Variants in TMEM192 observed in about 807,000 individuals in gnomAD.
TMEM192 encodes transmembrane protein 192.
Under a neutral mutation model 26.7 loss-of-function variants are expected in TMEM192, and 20 were observed. The observed-to-expected ratio is 0.75, with a 90% CI of 0.53 to 1.09. The LOEUF (loss-of-function observed/expected upper bound fraction) is 1.09, where lower values mean the gene tolerates loss of function less well. Ranked by LOEUF, TMEM192 falls within the 50% of genes least tolerant of loss-of-function variation. TMEM192 has a pLI of 0.00. For synonymous variants in TMEM192, 124 were observed against 121.0 expected (o/e 1.02, Z -0.16); for missense variants, 304 against 322.6 (o/e 0.94, Z 0.44).
In TMEM192 at chr4:165,095,778, A is replaced by T. The variant is rs186898141; in HGVS notation, c.439+4850T>A. Among the ~76,000 whole-genome samples the T allele has an allele frequency of 9.3e-3, 1,409 of 152,008 alleles. 5 individuals carry two copies. Among genetic ancestry groups the T allele is most frequent in the Non-Finnish European group, 0.015 (1,032 of 67,976 alleles). On this transcript the variant is annotated intron_variant, in intron 3 of 5. Coordinates refer to ENST00000306480, the MANE Select transcript of TMEM192 (RefSeq NM_001100389.2). ...ATGTAACTAATAATACTTGATTTTT[A>T]AAAATTTTTTTTTAAAAATGGAGTC... is the stretch of plus-strand genomic sequence containing the variant.
rs1292232349 is a variant in TMEM192 at position 165,079,474 on chromosome 4, C to A, written c.*184G>T. 5.5e-6 allele frequency: 3 copies of A among 544,268 alleles called. No homozygotes were observed. In the East Asian group the frequency reaches 9.8e-5, roughly 18 times the overall value. The allele number at this position is 544,268 out of a possible 1,614,324, so 33.7% of individuals were successfully genotyped here. A position where few individuals can be genotyped will look rare whatever the true frequency, so the allele number is the denominator to read the frequency against. On this transcript the variant is annotated 3_prime_UTR_variant, in exon 6 of 6. Coordinates refer to ENST00000306480, the MANE Select transcript of TMEM192 (RefSeq NM_001100389.2). The stretch of plus-strand genomic sequence containing the variant: ...TATCCGGGCTTCTACAGGTACTTTT[C>A]AAGTGACCCACAAGCCCTATATTTT...
intron 3 of TMEM192, among the ~76,000 whole-genome samples, chr4:165,094,844 C>T (rs1350441747): frequency 6.6e-6 from 1 of 151,688 alleles, no homozygotes; most frequent in African/African-American, 2.4e-5. Context: ...CATGGTAGCG[C>T]ACACCTGTAA....
At chr4:165,104,810 C>T (rs375731342) in intron 1 of TMEM192, among the ~76,000 whole-genome samples, 1 of 152,262 alleles carries the variant, frequency 6.6e-6, no homozygotes. Context: ...GGATTACAGG[C>T]ATGAGCCACC....
intron 3 of TMEM192, among the ~76,000 whole-genome samples, chr4:165,097,636 G>T (rs1466714738): frequency 7.1e-6 from 1 of 141,282 alleles, no homozygotes. Context: ...TTTTTATAGA[G>T]GGGGGTGTCA....
In TMEM192 at chr4:165,071,323, C is replaced by T. The variant is rs974130512; in HGVS notation, c.*8335G>A. 2 of 145,390 alleles carry T rather than the reference C, an allele frequency of 1.4e-5. No individual in the cohort carries two copies. The highest frequency in any genetic ancestry group is 3.0e-5 in the Non-Finnish European group (2 of 67,056). The allele number at this position is 145,390 out of a possible 1,614,324, so 9.0% of individuals were successfully genotyped here. On this transcript the variant is annotated 3_prime_UTR_variant, in exon 6 of 6. Coordinates refer to ENST00000306480, the MANE Select transcript of TMEM192 (RefSeq NM_001100389.2). ...TTTTTGGGGGGGGGACGGATTCTCA[C>T]TCTTGTCACCCAGGCTGGAGTACAG...
In TMEM192 at chr4:165,071,333, C is replaced by G. The variant is rs1221094108; in HGVS notation, c.*8325G>C. On this transcript the variant is annotated 3_prime_UTR_variant, in exon 6 of 6. Transcript: ENST00000306480. ...GGGGACGGATTCTCACTCTTGTCAC[C>G]CAGGCTGGAGTACAGCTGTGCGATC... 1 of 151,806 alleles carries G rather than the reference C, an allele frequency of 6.6e-6. No homozygotes were observed. The highest frequency in any genetic ancestry group is 1.5e-5 in the Non-Finnish European group (1 of 68,040). 9.4% of individuals were successfully genotyped at this position (151,806 alleles called of 1,614,324 possible).
chr4:165,101,391 C>T lies in TMEM192; in HGVS notation c.175-499G>A, dbSNP rs139868226. ...GTATTTTTGTTTTCTGTGTGAGATA[C>T]GGTCTTGCCCTGTTGCCCAGGCTGG... On this transcript the variant is annotated intron_variant, in intron 2 of 5. Transcript: ENST00000306480. Among the ~76,000 whole-genome samples the T allele has an allele frequency of 2.1e-3, 322 of 150,406 alleles. 4 individuals carry two copies. Among genetic ancestry groups the T allele is most frequent in the Admixed American group, 4.2e-3 (63 of 15,050 alleles).
rs528271478 is a variant in TMEM192 at position 165,088,525 on chromosome 4, G to T, written c.517C>A (p.Leu173Met). Residue 173 changes from leucine to methionine, a missense_variant, in exon 4 of 6, where the codon CTG becomes ATG. By Grantham distance (15) the Leu-to-Met change is conservative. Coordinates refer to ENST00000306480, the MANE Select transcript of TMEM192 (RefSeq NM_001100389.2). ...ATGAGTTCCAGTGCCAAGATGGCCAGAATGAGGTCAAGATACAATCTGCCA... is the reference window on the plus strand; with the variant it reads ...ATGAGTTCCAGTGCCAAGATGGCCATAATGAGGTCAAGATACAATCTGCCA... ...EPGRLYLDLI[L>M]AILALELICS... The T allele has an allele frequency of 8.7e-6, 14 of 1,613,732 alleles. No individual in the cohort carries two copies. In the East Asian group the frequency reaches 2.7e-4, roughly 31 times the overall value.
chr4:165,104,650 C>T (rs1042989923), intron 1 of TMEM192, among the ~76,000 whole-genome samples: 1 of 152,128 alleles, frequency 6.6e-6, no homozygotes, highest in Non-Finnish European at 1.5e-5. Flanking sequence ...CCTGTCTCAG[C>T]CTCCTGAGTA....
Position 165,079,811 on chromosome 4 carries a change from G to C in TMEM192, c.678-15C>G, listed in dbSNP as rs373709632. ...TTGAAATAGTTCTGCAAGTAATCAA[G>C]ATATAAATGGGTTACACATATTCAC... is the stretch of plus-strand genomic sequence containing the variant. On this transcript the variant is annotated splice_polypyrimidine_tract_variant and intron_variant, in intron 5 of 5. Transcript: ENST00000306480. 1.4e-5 allele frequency: 23 copies of C among 1,612,082 alleles called. No homozygotes were observed. The African/African-American group carries it at 2.7e-4, about 19-fold the overall frequency.
chr4:165,081,055 T>G (rs1734507708), intron 5 of TMEM192, among the ~76,000 whole-genome samples: 1 of 152,104 alleles, frequency 6.6e-6, no homozygotes, highest in African/African-American at 2.4e-5. Context: ...AAAAAAACTT[T>G]GAATATGCTA....
intron 3 of TMEM192, among the ~76,000 whole-genome samples, chr4:165,098,992 G>C (rs769661662): frequency 2.6e-5 from 4 of 151,836 alleles, no homozygotes; most frequent in African/African-American, 7.3e-5. Context: ...ATGAGCCACC[G>C]AGCCTGGCCT....
At chr4:165,085,187 C>T (rs1016953416) in intron 5 of TMEM192, among the ~76,000 whole-genome samples, 2 of 149,892 alleles carry the variant, frequency 1.3e-5, no homozygotes, top group East Asian at 2.0e-4. Flanking sequence ...GCAGGAGAAT[C>T]GCTTGAAACT....
intron 1 of TMEM192, among the ~76,000 whole-genome samples, chr4:165,105,097 C>T (rs1321443428): frequency 1.3e-5 from 2 of 152,158 alleles, no homozygotes; most frequent in Admixed American, 6.5e-5. Context: ...GCATTCTGTG[C>T]TTGCCTCTTC....
intron 3 of TMEM192, 27 bp downstream of exon 3, chr4:165,100,601 A>C (rs1166731986): frequency 1.2e-6 from 2 of 1,602,192 alleles, no homozygotes; most frequent in Non-Finnish European, 1.7e-6. Flanking sequence ...TCAAGCACCC[A>C]AGTAGCTGAG....
intron 4 of TMEM192, 54 bp from the exon 5 acceptor site, chr4:165,085,742 A>G (rs1734599351): frequency 1.5e-6 from 2 of 1,308,038 alleles, no homozygotes; most frequent in Non-Finnish European, 2.2e-6. Context: ...GTCTAGTTTC[A>G]TTTTTTCAAA....
intron 4 of TMEM192, among the ~76,000 whole-genome samples, chr4:165,086,773 A>C (rs1422015991): frequency 6.6e-6 from 1 of 151,748 alleles, no homozygotes; most frequent in Non-Finnish European, 1.5e-5. Context: ...CTTTGAAAGG[A>C]TCTCACCATC....
chr4:165,099,774 G>A (rs1355459328), intron 3 of TMEM192, among the ~76,000 whole-genome samples: 2 of 152,048 alleles, frequency 1.3e-5, no homozygotes, highest in African/African-American at 2.4e-5. Flanking sequence ...GTGAGAACCT[G>A]CTTCTACATA....
Position 165,086,987 on chromosome 4 carries a change from G to A in TMEM192, c.575-1299C>T, listed in dbSNP as rs150523796. Among the ~76,000 whole-genome samples the A allele has an allele frequency of 2.1e-3, 326 of 152,088 alleles. 3 individuals are homozygous for A. The highest frequency in any genetic ancestry group is 7.1e-3 in the African/African-American group (293 of 41,494). On this transcript the variant is annotated intron_variant, in intron 4 of 5. Coordinates refer to ENST00000306480, the MANE Select transcript of TMEM192 (RefSeq NM_001100389.2). ...AAATTAGCTGGGTGTGGTGGTAGGCGCCTATAATCCCAGCCACTCAGGAGG... is the reference window on the plus strand; with the variant it reads ...AAATTAGCTGGGTGTGGTGGTAGGCACCTATAATCCCAGCCACTCAGGAGG...
Sources: gnomAD v4.1 joint callset for allele counts (sites outside exome capture counted in the v4.1 genomes callset) on GRCh38, gnomAD v4.1.1 for gene constraint, MANE v1.5 for transcripts, NCBI Gene and HGNC (gene_info 2026-07-23, HGNC 2026-07-21) for gene names.